Variants in POLI observed in about 807,000 individuals in gnomAD.
The protein encoded by POLI is RAD30 homolog B.
Under a neutral mutation model 51.6 loss-of-function variants are expected in POLI, and 58 were observed. The observed-to-expected ratio is 1.12, with a 90% CI of 0.91 to 1.40. The LOEUF is 1.40. Among genes scored for constraint, POLI ranks in the 40% most tolerant of loss-of-function variants. The probability of loss-of-function intolerance (pLI) is 0.00; values close to 1 mark genes in which losing one functional copy is unlikely to be tolerated. For synonymous variants in POLI, 322 were observed against 299.7 expected (o/e 1.07, Z -0.77); for missense variants, 921 against 871.3 (o/e 1.06, Z -0.72).
At position 54,294,452 on chromosome 18, in the gene POLI, C is replaced by T. The variant is rs772617646; in HGVS notation, c.2208C>T (p.His736=). The T allele has an allele frequency of 6.3e-7, 1 of 1,596,120 alleles. No homozygotes were observed. The highest frequency in any genetic ancestry group is 8.5e-7 in the Non-Finnish European group (1 of 1,172,874). The change falls in exon 10 of 10, where the codon CAC becomes CAT. Residue 736 remains histidine (H), a synonymous_variant. Transcript: ENST00000579534. The part of the protein sequence containing the change: ...AEWKRAGSDF[H]IGHK ...GGAAGAGAGCAGGATCAGATTTCCA[C>T]ATTGGACATAAATAAGCATATTCAG...
At chr18:54,271,547 CAT>C in intron 2 of POLI, 62 bp downstream of exon 2, 2 of 1,097,678 alleles carry the variant, frequency 1.8e-6, no homozygotes, top group Non-Finnish European at 2.6e-6. Context: ...TCATCATGCT[CAT>C]TATATACTGA....
At chr18:54,284,087 TGTTCCATCTTGGAACTGACAGATTATCTG>T in intron 7 of POLI, 74 bp downstream of exon 7, 1 of 547,820 alleles carries the variant, frequency 1.8e-6, no homozygotes, top group Admixed American at 3.7e-5. Context: ...GAATATTTGA[TGTTCCATCTTGGAACTGACAGATTATCTG>T]GAGACTAAAC....
chr18:54,312,343 G>C (rs687845), intron 3 of POLI, among the ~76,000 whole-genome samples: 37,618 of 151,908 alleles, frequency 0.25, 4,844 homozygotes, highest in Middle Eastern at 0.3. Flanking sequence ...TATCTTTATC[G>C]AGTATATCAT....
At chr18:54,287,500 G>T in intron 8 of POLI, 89 bp downstream of exon 8, 6 of 864,298 alleles carry the variant, frequency 6.9e-6, no homozygotes, top group South Asian at 1.6e-5. Flanking sequence ...AAAAATGGAG[G>T]GTCTTCACAG....
downstream of POLI, among the ~76,000 whole-genome samples, chr18:54,302,993 C>G (rs918777122): frequency 2.6e-5 from 4 of 152,324 alleles, no homozygotes; most frequent in African/African-American, 9.6e-5. Flanking sequence ...CCATTAGCAT[C>G]ACATCATTGA....
chr18:54,291,083 G>A (rs188179892), intron 8 of POLI, among the ~76,000 whole-genome samples: 1 of 152,228 alleles, frequency 6.6e-6, no homozygotes, highest in East Asian at 1.9e-4. Context: ...AGGAGTGTAT[G>A]GGGAGCTTGG....
Position 54,294,113 on chromosome 18 carries a change from T to G in POLI, c.1869T>G (p.Tyr623Ter). Reference sequence around the variant, plus strand: ...TGTCTAGCCAAAAGGATTATTCATATTATTTAGATAATAGATTAAAAGATG... The same window carrying G: ...TGTCTAGCCAAAAGGATTATTCATAGTATTTAGATAATAGATTAAAAGATG... ...SYMSSQKDYS[Y>*]YLDNRLKDER... The change falls in exon 10 of 10, where the codon TAT becomes TAG. Residue 623 changes from tyrosine to a stop codon, truncating the protein, a stop_gained. Transcript: ENST00000579534. LOFTEE classifies it low-confidence loss of function (END_TRUNC). 6.2e-7 allele frequency: 1 copy of G among 1,608,508 alleles called. No homozygotes were observed. The highest frequency in any genetic ancestry group is 8.5e-7 in the Non-Finnish European group (1 of 1,175,254).
chr18:54,277,644 TA>T, intron 3 of POLI, 58 bp from the exon 4 acceptor site: 3 of 1,115,344 alleles, frequency 2.7e-6, no homozygotes, highest in Non-Finnish European at 3.8e-6. Context: ...ACTAGATAGT[TA>T]AATTTATCCT....
intron 3 of POLI, among the ~76,000 whole-genome samples, chr18:54,314,556 C>G (rs2088707774): frequency 6.6e-6 from 1 of 152,046 alleles, no homozygotes; most frequent in African/African-American, 2.4e-5. Context: ...TTGGTGCCAG[C>G]TCTTCTTTAT....
At chr18:54,285,071 G>C (rs953808199) in intron 7 of POLI, among the ~76,000 whole-genome samples, 1 of 152,186 alleles carries the variant, frequency 6.6e-6, no homozygotes, top group Non-Finnish European at 1.5e-5. Context: ...CTGAAGAAGT[G>C]AAATTTCCTC....
At chr18:54,286,024 G>A (rs1355576648) in intron 7 of POLI, among the ~76,000 whole-genome samples, 1 of 151,954 alleles carries the variant, frequency 6.6e-6, no homozygotes, top group East Asian at 1.9e-4. Context: ...CTGCCATCAA[G>A]CCTAGCTAAT....
rs766411249 is a variant in POLI, at chr18:54,271,389, A to G, written c.145A>G (p.Asn49Asp). The change falls in exon 2 of 10, where the codon AAT becomes GAT. Residue 49 changes from asparagine to aspartate, a missense_variant. Asn to Asp is a conservative substitution (Grantham distance 23). Transcript: ENST00000579534. ...GVHDQVLPTP[N>D]ASSRVIVHVD... ...TCATGATCAAGTGTTGCCCACACCAAATGCTTCATCCAGAGTCATAGTACA... is the reference window on the plus strand; with the variant it reads ...TCATGATCAAGTGTTGCCCACACCAGATGCTTCATCCAGAGTCATAGTACA... 19 of 1,612,402 alleles carry G rather than the reference A, an allele frequency of 1.2e-5. No homozygotes were observed. Among genetic ancestry groups the G allele is most frequent in the Non-Finnish European group, 1.5e-5 (18 of 1,178,764 alleles).
At chr18:54,280,500 G>A (rs1425102573) in intron 4 of POLI, among the ~76,000 whole-genome samples, 167 bp from the exon 5 acceptor site, 6 of 152,216 alleles carry the variant, frequency 3.9e-5, no homozygotes, top group Non-Finnish European at 5.9e-5. Context: ...ATTACAACAT[G>A]AGGTTTGGAG....
At chr18:54,315,965 G>A (rs2088729976) in intron 3 of POLI, among the ~76,000 whole-genome samples, 1 of 151,966 alleles carries the variant, frequency 6.6e-6, no homozygotes, top group East Asian at 1.9e-4. Flanking sequence ...GCCTAGACTG[G>A]AATGCAGTGC....
chr18:54,291,993 A>G lies in POLI; in HGVS notation c.1359A>G (p.Leu453=). The G allele has an allele frequency of 6.2e-7, 1 of 1,610,928 alleles. No individual in the cohort carries two copies. Among genetic ancestry groups the G allele is most frequent in the Non-Finnish European group, 8.5e-7 (1 of 1,178,214 alleles). ...AGAAAGGGCTTATTGATTATTATTTAATGCCATCATTATCAACTACTTCAC... is the reference window on the plus strand; with the variant it reads ...AGAAAGGGCTTATTGATTATTATTTGATGCCATCATTATCAACTACTTCAC... ...TAKKGLIDYY[L]MPSLSTTSRS... The change falls in exon 9 of 10, where the codon TTA becomes TTG. Residue 453 remains leucine (L), a synonymous_variant. Transcript: ENST00000579534.
chr18:54,306,537 T>C (rs1207646927), intron 3 of POLI, among the ~76,000 whole-genome samples: 2 of 148,272 alleles, frequency 1.3e-5, no homozygotes, highest in Non-Finnish European at 3.0e-5. Flanking sequence ...AAAATTCTCT[T>C]TTTTGTGTGT....
intron 3 of POLI, among the ~76,000 whole-genome samples, chr18:54,313,474 T>C (rs985276531): frequency 6.6e-6 from 1 of 152,300 alleles, no homozygotes; most frequent in Non-Finnish European, 1.5e-5. Context: ...TAGAATAGTT[T>C]TTCTAATTTT....
intron 3 of POLI, among the ~76,000 whole-genome samples, chr18:54,276,223 A>G (rs2087233562): frequency 6.6e-6 from 1 of 152,060 alleles, no homozygotes; most frequent in Non-Finnish European, 1.5e-5. Context: ...AAAAAAAAAA[A>G]AAGTTAGCTG....
intron 9 of POLI, among the ~76,000 whole-genome samples, chr18:54,293,027 G>T: frequency 6.6e-6 from 1 of 152,066 alleles, no homozygotes; most frequent in East Asian, 1.9e-4. Context: ...TTCATATTGT[G>T]TTGATGTTTA....
Sources: gnomAD v4.1 joint callset for allele counts (sites outside exome capture counted in the v4.1 genomes callset) on GRCh38, gnomAD v4.1.1 for gene constraint, MANE v1.5 for transcripts, NCBI Gene and HGNC (gene_info 2026-07-23, HGNC 2026-07-21) for gene names.